Variants in IFT172 observed in about 807,000 individuals in gnomAD.
The protein encoded by IFT172 is intraflagellar transport 172.
A neutral mutation model predicts 248.9 loss-of-function variants in IFT172; 164 were observed. The ratio of observed to expected loss-of-function variants is 0.66; its 90% CI spans 0.58 to 0.75. The LOEUF is 0.75. IFT172 is among the 30% of genes least tolerant of loss of function. The pLI is 0.00. For missense variants in IFT172, 1,950 were observed against 2,192.4 expected (o/e 0.89, Z 2.21); for synonymous variants, 729 against 791.6 (o/e 0.92, Z 1.33).
rs768283981 is a variant in IFT172 at position 27,461,810 on chromosome 2, C to T, written c.2142G>A (p.Met714Ile). 6.2e-6 allele frequency: 10 copies of T among 1,614,074 alleles called. No individual in the cohort carries two copies. The South Asian group carries it at 9.9e-5, about 16-fold the overall frequency. The change falls in exon 21 of 48, where the codon ATG becomes ATA. Residue 714 changes from methionine to isoleucine, a missense_variant. Met to Ile is a conservative substitution (Grantham distance 10). Transcript: ENST00000260570. Reference sequence around the variant, plus strand: ...CATCCCAACGGTGTAGCTCCTGGTACATGCCCATGGCCTCCTCCACAGCAT... The same window carrying T: ...CATCCCAACGGTGTAGCTCCTGGTATATGCCCATGGCCTCCTCCACAGCAT... The part of the protein sequence containing the change: ...EQNAVEEAMG[M>I]YQELHRWDEC...
chr2:27,488,615 C>A (rs1668934866), intron 1 of IFT172, among the ~76,000 whole-genome samples: 1 of 152,142 alleles, frequency 6.6e-6, no homozygotes, highest in African/African-American at 2.4e-5. Context: ...AATGTCCTTT[C>A]CTCTTGTCTA....
Position 27,462,717 on chromosome 2 carries a change from A to C in IFT172, c.2099T>G (p.Met700Arg). Residue 700 changes from methionine to arginine, a missense_variant, in exon 20 of 48, where the codon ATG becomes AGG. Physicochemically the swap from Met to Arg is moderately conservative, Grantham distance 91. Transcript: ENST00000260570. ...TCCTATTACCTGTTCCAAAAAGATC[A>C]TTTCAGCCAGTTTGTAGTTCTTTTC... is the stretch of plus-strand genomic sequence containing the variant. ...MLEKNYKLAEMIFLEQNAVEE... is the reference protein window; with the variant it reads ...MLEKNYKLAERIFLEQNAVEE... The C allele has an allele frequency of 2.5e-6, 4 of 1,613,720 alleles. No homozygotes were observed. Among genetic ancestry groups the C allele is most frequent in the Non-Finnish European group, 3.4e-6 (4 of 1,179,824 alleles).
intron 5 of IFT172, 45 bp downstream of exon 5, chr2:27,483,827 T>A: frequency 6.5e-7 from 1 of 1,530,286 alleles, no homozygotes; most frequent in South Asian, 1.1e-5. Flanking sequence ...TCCAGAACCA[T>A]TATCCCTACC....
intron 7 of IFT172, among the ~76,000 whole-genome samples, chr2:27,482,450 G>A (rs372239116): frequency 1.3e-4 from 19 of 151,840 alleles, no homozygotes; most frequent in African/African-American, 3.6e-4. Flanking sequence ...GTGCCACCAC[G>A]CCCAGCTAAT....
intron 42 of IFT172, among the ~76,000 whole-genome samples, chr2:27,446,649 G>A (rs1665132466): frequency 6.8e-6 from 1 of 147,512 alleles, no homozygotes; most frequent in African/African-American, 2.5e-5. Context: ...GAGTAGCTAG[G>A]ACTACAAGCG....
At chr2:27,477,933 T>C (rs1668085910) in intron 11 of IFT172, 62 bp downstream of exon 11, 4 of 1,593,536 alleles carry the variant, frequency 2.5e-6, no homozygotes, top group Non-Finnish European at 3.4e-6. Flanking sequence ...GGATTTTGGG[T>C]CCCCACAAAT....
intron 33 of IFT172, 50 bp downstream of exon 33, chr2:27,453,932 C>A (rs767701792): frequency 5.1e-6 from 8 of 1,556,082 alleles, no homozygotes; most frequent in Non-Finnish European, 7.0e-6. Context: ...TCTCTGTGGG[C>A]TCTTACAAAC....
chr2:27,480,605 G>A (rs1347543074), intron 8 of IFT172, among the ~76,000 whole-genome samples: 1 of 152,048 alleles, frequency 6.6e-6, no homozygotes, highest in African/African-American at 2.4e-5. Flanking sequence ...TCATTCATTC[G>A]CCAAACATCT....
At position 27,472,017 on chromosome 2, in the gene IFT172, G is replaced by A. The variant is rs1309089157; in HGVS notation, c.1524+233C>T. The A allele has an allele frequency of 8.8e-6, 5 of 568,464 alleles. No homozygotes were observed. In the African/African-American group the frequency reaches 9.7e-5, roughly 11 times the overall value. The allele number at this position is 568,464 out of a possible 1,614,324, so 35.2% of individuals were successfully genotyped here. ...TGTACCACTGCACTCCAGCCTGGGTGACAGAGTGAGACACTGTCTCCAAAA... is the reference window on the plus strand; with the variant it reads ...TGTACCACTGCACTCCAGCCTGGGTAACAGAGTGAGACACTGTCTCCAAAA... On this transcript the variant is annotated intron_variant, in intron 15 of 47. Coordinates refer to ENST00000260570, the MANE Select transcript of IFT172 (RefSeq NM_015662.3).
In IFT172 at chr2:27,469,798, C is replaced by T. The variant is rs1210689102; in HGVS notation, c.1692+1130G>A. Among the ~76,000 whole-genome samples, 3 of 152,304 alleles carry T rather than the reference C, an allele frequency of 2.0e-5. No homozygotes were observed. The East Asian group carries it at 5.8e-4, about 29-fold the overall frequency. ...AGTGAGCCGAGATGACGCCACTGCACTCCAGCCTGGGTGACAGAGAGACTC... is the reference window on the plus strand; with the variant it reads ...AGTGAGCCGAGATGACGCCACTGCATTCCAGCCTGGGTGACAGAGAGACTC... On this transcript the variant is annotated intron_variant, in intron 16 of 47. Coordinates refer to ENST00000260570, the MANE Select transcript of IFT172 (RefSeq NM_015662.3).
intron 25 of IFT172, 141 bp downstream of exon 25, chr2:27,459,237 C>T (rs1666431621): frequency 1.1e-5 from 12 of 1,051,426 alleles, no homozygotes; most frequent in African/African-American, 1.6e-5. Context: ...GTAAACTGTT[C>T]TCTTCCCCTT....
In IFT172 at chr2:27,485,360, C is replaced by A. The variant is rs745703364; in HGVS notation, c.183G>T (p.Lys61Asn). The part of the protein sequence containing the change: ...DKFSTKPADM[K>N]YGRKSYMVKG... ...AGGTACACATGAATACACTGTTTAC[C>A]TTCATGTCAGCTGGTTTGGTGGAGA... Residue 61 changes from lysine to asparagine, a missense_variant and splice_region_variant, in exon 2 of 48, where the codon AAG becomes AAT. Physicochemically the swap from Lys to Asn is moderately conservative, Grantham distance 94. This residue lies in a region of IFT172 where 1,166 missense variants were observed against 1,254.1 expected (regional missense o/e 0.93). Coordinates refer to ENST00000260570, the MANE Select transcript of IFT172 (RefSeq NM_015662.3). 6.2e-7 allele frequency: 1 copy of A among 1,613,866 alleles called. No homozygotes were observed. Among genetic ancestry groups the A allele is most frequent in the South Asian group, 1.1e-5 (1 of 91,064 alleles).
At chr2:27,472,185 GTGGCAGCTTGTCTC>G in intron 15 of IFT172, 51 bp downstream of exon 15, 1 of 1,104,820 alleles carries the variant, frequency 9.1e-7, no homozygotes, top group Non-Finnish European at 1.4e-6. Flanking sequence ...TCAGTCCCTG[GTGGCAGCTTGTCTC>G]ACACCCTCTG....
intron 35 of IFT172, among the ~76,000 whole-genome samples, chr2:27,450,956 T>G (rs992008252): frequency 6.6e-6 from 1 of 151,810 alleles, no homozygotes; most frequent in Non-Finnish European, 1.5e-5. Context: ...TACCTGTTTT[T>G]TTTTTTTTTT....
rs767873188 is a variant in IFT172 at position 27,481,250 on chromosome 2, A to G, written c.581T>C (p.Val194Ala). Residue 194 changes from valine to alanine, a missense_variant, in exon 8 of 48, where the codon GTT (valine) becomes GCT (alanine). Physicochemically the swap from Val to Ala is moderately conservative, Grantham distance 64 (BLOSUM62 0). Transcript: ENST00000260570. The part of the protein sequence containing the change: ...EGSGESQGKL[V>A]NHPCPPYALA... ...GGCATAGGGTGGACACGGGTGGTTA[A>G]CCAACTTCCCCTAAGACAGAAGTAG... 4.3e-6 allele frequency: 7 copies of G among 1,611,548 alleles called. No individual in the cohort carries two copies. The South Asian group carries it at 7.7e-5, about 18-fold the overall frequency.
intron 14 of IFT172, among the ~76,000 whole-genome samples, chr2:27,474,887 A>G (rs1667854309): frequency 6.6e-6 from 1 of 152,010 alleles, no homozygotes. Flanking sequence ...AAAAAAATGG[A>G]CTATTTTAAA....
In IFT172 at chr2:27,454,786, G is replaced by A. The variant is rs901539431; in HGVS notation, c.3372-126C>T. 22 of 788,802 alleles carry A rather than the reference G, an allele frequency of 2.8e-5. No homozygotes were observed. Among genetic ancestry groups the A allele is most frequent in the Admixed American group, 4.7e-5 (2 of 42,382 alleles). 48.9% of individuals were successfully genotyped at this position (788,802 alleles called of 1,614,324 possible). On this transcript the variant is annotated intron_variant, in intron 30 of 47. Transcript: ENST00000260570. The surrounding 1 kb of genome is among the most constrained non-coding windows in gnomAD (Gnocchi z 4.2). ...TGACAGATTTAAGGATAACAAATAT[G>A]AAGTGACAGAAAAGCGTGGAGAGAT...
At position 27,477,547 on chromosome 2, in the gene IFT172, A is replaced by G. The variant is rs1184474972; in HGVS notation, c.1221+12T>C. ...TTATCAAGATGGTGATGGTGAATCAAGCTCTACTCACATTCTCATTTTCAA... is the reference window on the plus strand; with the variant it reads ...TTATCAAGATGGTGATGGTGAATCAGGCTCTACTCACATTCTCATTTTCAA... On this transcript the variant is annotated intron_variant, in intron 12 of 47. Transcript: ENST00000260570. The G allele has an allele frequency of 6.3e-7, 1 of 1,584,332 alleles. No individual in the cohort carries two copies. The highest frequency in any genetic ancestry group is 8.7e-7 in the Non-Finnish European group (1 of 1,152,834).
chr2:27,476,388 C>T (rs138776982), intron 14 of IFT172, among the ~76,000 whole-genome samples: 10 of 152,280 alleles, frequency 6.6e-5, no homozygotes, highest in Admixed American at 3.3e-4. Context: ...CTGCCTTGCC[C>T]TTTCAAAGTG....
Sources: gnomAD v4.1 joint callset for allele counts (sites outside exome capture counted in the v4.1 genomes callset) on GRCh38, gnomAD v4.1.1 for gene constraint, gnomAD v4.1.1 regional missense constraint, Gnocchi (gnomAD v3.1) non-coding constraint, MANE v1.5 for transcripts, NCBI Gene and HGNC (gene_info 2026-07-23, HGNC 2026-07-21) for gene names.